The following PLCL1 variants were observed in gnomAD, a reference collection of about 807,000 sequenced individuals.
PLCL1 encodes phospholipase C like 1 (inactive), also known as inactive phospholipase C-like protein 1.
In PLCL1, 41 loss-of-function variants were observed where a neutral mutation model predicts 84.4. The observed-to-expected ratio is 0.49, with a 90% confidence interval of 0.38 to 0.63. PLCL1 has a LOEUF of 0.63. PLCL1 is among the 30% of genes least tolerant of loss of function. The probability of loss-of-function intolerance (pLI) is 0.00; values close to 1 mark genes in which losing one functional copy is unlikely to be tolerated. For missense variants in PLCL1, 1,206 were observed against 1,367.8 expected, an observed-to-expected ratio of 0.88 and a Z score of 1.87; for synonymous variants, 490 against 488.3, an observed-to-expected ratio of 1.00 and a Z score of -0.05.
intron 1 of PLCL1, among the ~76,000 whole-genome samples, chr2:197,900,346 A>G (rs552256217): frequency 6.8e-4 from 104 of 152,336 alleles, no homozygotes; most frequent in Non-Finnish European, 1.2e-3. Context: ...GCTAAAGATC[A>G]TGATTGTTTT....
intron 1 of PLCL1, among the ~76,000 whole-genome samples, chr2:197,908,698 A>G (rs918339103): frequency 7.9e-5 from 12 of 152,212 alleles, no homozygotes; most frequent in African/African-American, 2.9e-4. Flanking sequence ...TCATGTCTTT[A>G]TTTAATGACA....
At chr2:198,019,008 C>G (rs1691069069) in intron 1 of PLCL1, among the ~76,000 whole-genome samples, 1 of 152,186 alleles carries the variant, frequency 6.6e-6, no homozygotes, top group African/African-American at 2.4e-5. Context: ...GCAGGTGCCC[C>G]TCTGGGACGA....
intron 1 of PLCL1, among the ~76,000 whole-genome samples, chr2:198,030,972 G>C (rs1388625088): frequency 1.3e-5 from 2 of 152,128 alleles, no homozygotes; most frequent in Non-Finnish European, 2.9e-5. Flanking sequence ...GTTCAAAATT[G>C]ATAAGCTTAA....
chr2:197,877,837 T>C (rs543429477), intron 1 of PLCL1, among the ~76,000 whole-genome samples: 1 of 152,280 alleles, frequency 6.6e-6, no homozygotes, highest in Non-Finnish European at 1.5e-5. Context: ...TGAGGGCCTT[T>C]GGATGTACTT....
intron 5 of PLCL1, among the ~76,000 whole-genome samples, chr2:198,113,680 A>T (rs1448601004): frequency 6.6e-6 from 1 of 151,904 alleles, no homozygotes; most frequent in Admixed American, 6.6e-5. Flanking sequence ...TTGCCAAAAC[A>T]ATTTGAAAAT....
At chr2:197,855,700 A>G (rs1341878466) in intron 1 of PLCL1, among the ~76,000 whole-genome samples, 3 of 152,078 alleles carry the variant, frequency 2.0e-5, no homozygotes, top group Non-Finnish European at 2.9e-5. Context: ...TGCCAACTTG[A>G]TGTCCTTCAC....
At chr2:197,977,396 G>T (rs1183793545) in intron 1 of PLCL1, among the ~76,000 whole-genome samples, 1 of 151,888 alleles carries the variant, frequency 6.6e-6, no homozygotes. Flanking sequence ...AAATTGGTTT[G>T]ATTGGTTTTA....
At chr2:198,005,408 T>G (rs1239396062) in intron 1 of PLCL1, among the ~76,000 whole-genome samples, 2 of 152,254 alleles carry the variant, frequency 1.3e-5, no homozygotes, top group East Asian at 1.9e-4. Flanking sequence ...AAGTTCTCTT[T>G]GAGGCCTTGA....
intron 1 of PLCL1, among the ~76,000 whole-genome samples, chr2:197,895,114 A>G (rs532942318): frequency 3.9e-5 from 6 of 152,160 alleles, no homozygotes; most frequent in Admixed American, 3.9e-4. Flanking sequence ...CACAGCAATT[A>G]TGTTTAATAA....
chr2:198,035,323 A>T (rs1400932075), intron 1 of PLCL1, among the ~76,000 whole-genome samples: 1 of 152,216 alleles, frequency 6.6e-6, no homozygotes, highest in Non-Finnish European at 1.5e-5. Flanking sequence ...CTCTGACAGG[A>T]TAAAGAAGCA....
At chr2:197,918,969 C>CTCTCTCTCTCTCTCTCTCT (rs1369678298) in intron 1 of PLCL1, among the ~76,000 whole-genome samples, 1 of 146,864 alleles carries the variant, frequency 6.8e-6, no homozygotes, top group Admixed American at 6.8e-5. Flanking sequence ...TCTCTCTCTC[C>CTCTCTCTCTCTCTCTCTCT]CTCACACACA....
At chr2:198,114,341 T>G (rs934399336) in intron 5 of PLCL1, among the ~76,000 whole-genome samples, 16 of 151,784 alleles carry the variant, frequency 1.1e-4, no homozygotes, top group African/African-American at 3.1e-4. Flanking sequence ...ATTTAGCATC[T>G]CTTGGAGGTA....
At chr2:198,035,442 A>G (rs568635949) in intron 1 of PLCL1, among the ~76,000 whole-genome samples, 1 of 152,334 alleles carries the variant, frequency 6.6e-6, no homozygotes, top group East Asian at 1.9e-4. Context: ...GCAGGAAAAG[A>G]ACAAGATAAG....
chr2:197,841,464 A>C (rs764611241), intron 1 of PLCL1, among the ~76,000 whole-genome samples: 14 of 152,180 alleles, frequency 9.2e-5, no homozygotes, highest in Non-Finnish European at 2.1e-4. Flanking sequence ...GGACTCAACT[A>C]TGTATAGTGT....
chr2:197,995,936 A>G (rs561890467), intron 1 of PLCL1, among the ~76,000 whole-genome samples: 23 of 152,236 alleles, frequency 1.5e-4, no homozygotes, highest in Non-Finnish European at 2.6e-4. Flanking sequence ...ACATGAGTTT[A>G]TGCACAGGAA....
intron 1 of PLCL1, among the ~76,000 whole-genome samples, chr2:197,968,057 A>G (rs74994281): frequency 0.023 from 3,507 of 152,298 alleles, 158 homozygotes; most frequent in African/African-American, 0.077. Flanking sequence ...TTCACTTATT[A>G]TTCTAGTGAC....
intron 1 of PLCL1, among the ~76,000 whole-genome samples, chr2:197,968,119 G>T (rs1369164451): frequency 1.3e-5 from 2 of 152,192 alleles, no homozygotes; most frequent in Non-Finnish European, 2.9e-5. Flanking sequence ...AGTGGATACT[G>T]CTTTTGTGTG....
intron 5 of PLCL1, among the ~76,000 whole-genome samples, chr2:198,115,688 A>G (rs1046483909): frequency 4.0e-5 from 6 of 151,772 alleles, no homozygotes; most frequent in Non-Finnish European, 8.8e-5. Context: ...AGAAGAGCAA[A>G]GGAATGTGTT....
intron 1 of PLCL1, among the ~76,000 whole-genome samples, chr2:198,044,771 C>T (rs1691747863): frequency 6.6e-6 from 1 of 152,050 alleles, no homozygotes. Flanking sequence ...TCACTCTTCA[C>T]CTATTTTTGG....
Sources: allele counts gnomAD v4.1 joint callset (sites outside exome capture counted in the v4.1 genomes callset), GRCh38; gene constraint gnomAD v4.1.1; transcripts MANE v1.5; gene names NCBI Gene and HGNC (gene_info 2026-07-23, HGNC 2026-07-21).